Variants in TAF1 observed in about 807,000 individuals in gnomAD.
The protein encoded by TAF1 is TATA-box binding protein associated factor 1.
A neutral mutation model predicts 138.5 loss-of-function variants in TAF1; 2 were observed. That is an observed-to-expected ratio of 0.01 (90% CI 0.01 to 0.05). TAF1 has a LOEUF of 0.05. Ranked by LOEUF, TAF1 falls within the 10% of genes least tolerant of loss-of-function variation. The pLI is 1.00. For synonymous variants in TAF1, 437 were observed against 503.2 expected (o/e 0.87, Z 1.76); for missense variants, 709 against 1,478.0 (o/e 0.48, Z 8.53).
intron 13 of TAF1, among the ~76,000 whole-genome samples, chrX:71,503,320 A>G (rs190698297): frequency 0.041 from 3,629 of 88,659 alleles, 71 homozygotes; most frequent in Middle Eastern, 0.054. Context: ...ATATATATAT[A>G]TGTGTGTGTA....
chrX:71,473,508 T>A lies in TAF1; in HGVS notation c.1366+12705T>A, dbSNP rs768787060. Among the ~76,000 whole-genome samples, 8 of 108,842 alleles carry A rather than the reference T, an allele frequency of 7.4e-5. No homozygotes were observed. The East Asian group carries it at 1.1e-3, about 16-fold the overall frequency. 94.5% of individuals were successfully genotyped at this position (108,842 alleles called of 115,157 possible). On this transcript the variant is annotated intron_variant and NMD_transcript_variant, in intron 13 of 14. Coordinates refer to the TAF1 transcript ENST00000373775. ...GTGAGAATACATCTCTTAAAAAAAA[T>A]TTTTTTTTTAAATTTTTTAATTAGT...
chrX:71,450,199 G>T, intron 32 of TAF1, among the ~76,000 whole-genome samples: 1 of 108,664 alleles, frequency 9.2e-6, no homozygotes, highest in Non-Finnish European at 1.9e-5. Context: ...GTTTTACCTG[G>T]AAGAGACTTT....
chrX:71,402,519 G>A (rs888822648), intron 25 of TAF1, among the ~76,000 whole-genome samples: 9 of 112,232 alleles, frequency 8.0e-5, no homozygotes, highest in Non-Finnish European at 1.7e-4. Context: ...GATTACAGGC[G>A]TGAGCCATCA....
chrX:71,389,763 C>T (rs2034452449), intron 18 of TAF1, 98 bp downstream of exon 18: 1 of 630,313 alleles, frequency 1.6e-6, no homozygotes, highest in South Asian at 3.8e-5. Context: ...AAACTGTACA[C>T]ATTTAAAGTA....
At chrX:71,504,628 T>C (rs2039583065) in intron 13 of TAF1, among the ~76,000 whole-genome samples, 1 of 102,922 alleles carries the variant, frequency 9.7e-6, no homozygotes, top group Non-Finnish European at 2.0e-5. Context: ...CAGTCCCAAC[T>C]ACTAATACTC....
At chrX:71,459,454 G>T in intron 35 of TAF1, 98 bp from the exon 36 acceptor site, 2 of 1,078,405 alleles carry the variant, frequency 1.9e-6, no homozygotes, top group East Asian at 3.2e-5. Flanking sequence ...CAAGTGGAGG[G>T]ATGGGCGGGG....
chrX:71,382,682 G>A lies in TAF1; in HGVS notation c.1665+19G>A. 1 of 1,204,954 alleles carries A rather than the reference G, an allele frequency of 8.3e-7. No individual in the cohort carries two copies. The highest frequency in any genetic ancestry group is 1.1e-6 in the Non-Finnish European group (1 of 893,554). On this transcript the variant is annotated intron_variant, in intron 10 of 37. Transcript: ENST00000423759. ...ACAGCAGGTGTGTGAAGAAAAAAGG[G>A]GCTTGGTGTTTAGAAGAACAAAGAA... is the stretch of plus-strand genomic sequence containing the variant.
chrX:71,407,726 G>C (rs1193060583), intron 27 of TAF1, 54 bp downstream of exon 27: 13 of 1,126,747 alleles, frequency 1.2e-5, no homozygotes, highest in Non-Finnish European at 1.5e-5. Flanking sequence ...CTTTTGTTCT[G>C]TCTGTGATTT....
chrX:71,462,473 G>A (rs1044666904), intron 37 of TAF1, among the ~76,000 whole-genome samples: 1 of 110,695 alleles, frequency 9.0e-6, no homozygotes. Flanking sequence ...TCAGGAGGCT[G>A]AGGCAGGAGA....
At chrX:71,494,633 C>G (rs1460849334) in intron 13 of TAF1, among the ~76,000 whole-genome samples, 1 of 111,470 alleles carries the variant, frequency 9.0e-6, no homozygotes, top group East Asian at 2.8e-4. Flanking sequence ...TAGAGCTACT[C>G]ATTGTTTTTG....
chrX:71,436,667 T>C (rs924117092), intron 32 of TAF1, among the ~76,000 whole-genome samples: 28 of 111,400 alleles, frequency 2.5e-4, no homozygotes, highest in African/African-American at 8.5e-4. Context: ...CTTTATAATA[T>C]ACTAAATTCT....
chrX:71,382,847 C>T lies in TAF1; in HGVS notation c.1752C>T (p.Thr584=), dbSNP rs769418854. 5 of 1,207,980 alleles carry T rather than the reference C, an allele frequency of 4.1e-6. No homozygotes were observed. The South Asian group carries it at 8.9e-5, about 21-fold the overall frequency. ...CCAAGCAACAGGGTCTTCGAGGCAC[C>T]TTTGGAGGGAATATTATCCAGGTAC... ...YYPKQQGLRG[T]FGGNIIQHSI... The change falls in exon 11 of 38, where the codon ACC becomes ACT. Residue 584 remains threonine, a synonymous_variant. Transcript: ENST00000423759.
intron 32 of TAF1, among the ~76,000 whole-genome samples, chrX:71,452,788 C>T (rs1312792273): frequency 5.3e-5 from 6 of 112,334 alleles, no homozygotes; most frequent in Non-Finnish European, 7.5e-5. Context: ...ACTGAGTTAA[C>T]GAGGCTCCGT....
intron 32 of TAF1, among the ~76,000 whole-genome samples, chrX:71,448,192 G>A (rs749344920): frequency 4.0e-4 from 45 of 111,235 alleles, no homozygotes; most frequent in Non-Finnish European, 7.7e-4. Context: ...GTTCAATTCT[G>A]TTTAATCTTC....
chrX:71,518,927 C>T (rs1382001945), intron 13 of TAF1, among the ~76,000 whole-genome samples: 2 of 106,044 alleles, frequency 1.9e-5, no homozygotes, highest in Non-Finnish European at 3.9e-5. Flanking sequence ...GAACTCCTGA[C>T]CTCGTGATCT....
intron 22 of TAF1, 67 bp from the exon 23 acceptor site, chrX:71,397,186 A>G: frequency 3.6e-6 from 4 of 1,103,807 alleles, no homozygotes; most frequent in Non-Finnish European, 4.9e-6. Flanking sequence ...GCTCCACTCA[A>G]TCCCAAGAAA....
At chrX:71,379,663 C>T (rs942417020) in intron 8 of TAF1, among the ~76,000 whole-genome samples, 9 of 97,692 alleles carry the variant, frequency 9.2e-5, no homozygotes, top group African/African-American at 3.1e-4. Flanking sequence ...AGTGTAGTGG[C>T]GCAATCTCAG....
At chrX:71,393,239 T>A in intron 20 of TAF1, 62 bp from the exon 21 acceptor site, 1 of 1,076,126 alleles carries the variant, frequency 9.3e-7, no homozygotes, top group Non-Finnish European at 1.2e-6. Flanking sequence ...TGTGTGTGTG[T>A]GTGTGTGTGT....
chrX:71,463,954 G>A lies in TAF1; in HGVS notation c.5530G>A (p.Val1844Ile), dbSNP rs1367922862. Residue 1844 changes from valine (V) to isoleucine (I), a missense_variant, in exon 38 of 38, where the codon GTA (valine) becomes ATA (isoleucine). Coordinates refer to ENST00000423759, the MANE Select transcript of TAF1 (RefSeq NM_004606.5). ...EEEEQRSGPS[V>I]LSQVHLSEDE... ...GGAAGAGCAGCGCTCTGGGCCGAGCGTACTAAGCCAGGTCCACCTGTCAGA... is the reference window on the plus strand; with the variant it reads ...GGAAGAGCAGCGCTCTGGGCCGAGCATACTAAGCCAGGTCCACCTGTCAGA... 3.3e-6 allele frequency: 4 copies of A among 1,204,103 alleles called. No homozygotes were observed. The highest frequency in any genetic ancestry group is 2.2e-5 in the Admixed American group (1 of 44,994).
Sources: gnomAD v4.1 joint callset for allele counts (sites outside exome capture counted in the v4.1 genomes callset) on GRCh38, gnomAD v4.1.1 for gene constraint, MANE v1.5 for transcripts, NCBI Gene and HGNC (gene_info 2026-07-23, HGNC 2026-07-21) for gene names.